The following THSD7B variants were observed in gnomAD, a reference collection of about 807,000 sequenced individuals.
THSD7B encodes thrombospondin type-1 domain-containing protein 7B.
THSD7B carries 138 observed loss-of-function variants against 213.6 expected under a neutral mutation model. That is an observed-to-expected ratio of 0.65 (90% CI 0.56 to 0.74). The LOEUF is 0.74. Among genes scored for constraint, THSD7B ranks in the 30% least tolerant of loss-of-function variants. THSD7B has a pLI of 0.00. For missense variants in THSD7B, 1,931 were observed against 1,991.5 expected (o/e 0.97, Z 0.58); for synonymous variants, 742 against 687.0 (o/e 1.08, Z -1.25).
intron 10 of THSD7B, among the ~76,000 whole-genome samples, chr2:137,246,995 T>A (rs990923049): frequency 3.3e-5 from 5 of 152,210 alleles, no homozygotes; most frequent in Non-Finnish European, 7.3e-5. Flanking sequence ...AGGTGACTTA[T>A]AAGCAGTGAA....
chr2:137,563,377 G>A (rs1320391704), intron 16 of THSD7B, 23 bp downstream of exon 16: 2 of 1,610,076 alleles, frequency 1.2e-6, no homozygotes, highest in Non-Finnish European at 1.7e-6. Context: ...GGAGAGATTT[G>A]GGAAATAGGG....
In THSD7B at chr2:137,231,251, G is replaced by T. The variant is rs1681634207; in HGVS notation, c.1915+16G>T. ...GCTGGGGAAGGTGAGTAACAGAAAAGGTTTTCACTTTGGATTCATTAGCCC... is the reference window on the plus strand; with the variant it reads ...GCTGGGGAAGGTGAGTAACAGAAAATGTTTTCACTTTGGATTCATTAGCCC... On this transcript the variant is annotated intron_variant, in intron 8 of 27. Coordinates refer to ENST00000409968, the MANE Select transcript of THSD7B (RefSeq NM_001316349.2). 4 of 1,586,554 alleles carry T rather than the reference G, an allele frequency of 2.5e-6. No individual in the cohort carries two copies. The highest frequency in any genetic ancestry group is 3.4e-6 in the Non-Finnish European group (4 of 1,165,026).
chr2:137,197,468 T>A (rs1680786891), intron 7 of THSD7B, among the ~76,000 whole-genome samples: 1 of 152,164 alleles, frequency 6.6e-6, no homozygotes, highest in African/African-American at 2.4e-5. Flanking sequence ...TTAAATGAAG[T>A]GATCTGGCTA....
chr2:136,877,862 G>C (rs1683549304), intron 1 of THSD7B, among the ~76,000 whole-genome samples: 1 of 152,158 alleles, frequency 6.6e-6, no homozygotes, highest in African/African-American at 2.4e-5. Context: ...ACTGTGGGCA[G>C]GGTGGTATAA....
intron 2 of THSD7B, among the ~76,000 whole-genome samples, chr2:136,885,321 C>G (rs1683699608): frequency 6.6e-6 from 1 of 151,472 alleles, no homozygotes; most frequent in African/African-American, 2.4e-5. Flanking sequence ...TAAGTGAGTC[C>G]TGGCTTTGGA....
At chr2:137,622,964 C>G (rs1041477901) in intron 20 of THSD7B, among the ~76,000 whole-genome samples, 1 of 152,272 alleles carries the variant, frequency 6.6e-6, no homozygotes, top group Non-Finnish European at 1.5e-5. Flanking sequence ...GGAAATCCTC[C>G]CTAACTCATT....
At chr2:137,419,491 C>T (rs552584933) in intron 14 of THSD7B, among the ~76,000 whole-genome samples, 3 of 150,734 alleles carry the variant, frequency 2.0e-5, no homozygotes, top group Non-Finnish European at 4.4e-5. Flanking sequence ...GCCAAGGTGC[C>T]CCCCACCTGA....
chr2:136,896,928 CTATATACA>C (rs1229991170), intron 2 of THSD7B, among the ~76,000 whole-genome samples: 1 of 150,734 alleles, frequency 6.6e-6, no homozygotes, highest in African/African-American at 2.4e-5. Context: ...TATGCCAGTA[CTATATACA>C]TATATACATA....
chr2:136,815,131 A>G (rs945918035), intron 1 of THSD7B, among the ~76,000 whole-genome samples: 4 of 152,220 alleles, frequency 2.6e-5, no homozygotes, highest in African/African-American at 9.7e-5. Flanking sequence ...GCTGTTTACA[A>G]TAAGTTTGCC....
chr2:137,306,898 A>G (rs1573948560), intron 12 of THSD7B, among the ~76,000 whole-genome samples: 2 of 152,144 alleles, frequency 1.3e-5, no homozygotes, highest in South Asian at 2.1e-4. Context: ...ATACTCATAG[A>G]TAAATAGAAC....
At chr2:137,318,610 T>C (rs1290696426) in intron 12 of THSD7B, among the ~76,000 whole-genome samples, 1 of 151,936 alleles carries the variant, frequency 6.6e-6, no homozygotes, top group Non-Finnish European at 1.5e-5. Context: ...AAAACCATGA[T>C]CCAACATTAT....
rs778549894 is a variant in THSD7B at position 137,450,951 on chromosome 2, T to C, written c.3066T>C (p.Ile1022=). ...CSSSCGIGVR[I]RSKWLKEKPY... ...CATCTTGTGGAATTGGAGTGAGAAT[T>C]CGATCCAAATGGCTAAAAGAAAAAC... is the stretch of plus-strand genomic sequence containing the variant. Residue 1022 remains isoleucine, a synonymous_variant, in exon 15 of 28, where the codon ATT becomes ATC. Transcript: ENST00000409968. The C allele has an allele frequency of 1.2e-6, 2 of 1,613,112 alleles. No homozygotes were observed. Among genetic ancestry groups the C allele is most frequent in the Admixed American group, 3.3e-5 (2 of 59,930 alleles).
intron 4 of THSD7B, among the ~76,000 whole-genome samples, chr2:137,096,901 G>A (rs563201083): frequency 4.6e-5 from 7 of 152,336 alleles, no homozygotes; most frequent in African/African-American, 1.7e-4. Context: ...TTAGCACATA[G>A]GTGGCGCTGC....
intron 2 of THSD7B, among the ~76,000 whole-genome samples, chr2:136,993,544 G>A (rs955972188): frequency 1.3e-5 from 2 of 152,186 alleles, no homozygotes; most frequent in African/African-American, 4.8e-5. Flanking sequence ...AAGTGAAAAT[G>A]TAACCATATA....
chr2:137,575,742 A>ATATATATATT (rs1235744133), intron 17 of THSD7B, among the ~76,000 whole-genome samples: 7 of 147,396 alleles, frequency 4.7e-5, no homozygotes, highest in South Asian at 2.3e-4. Flanking sequence ...ATATATATAT[A>ATATATATATT]TTTTTACTTT....
At chr2:137,442,009 A>G (rs1184908827) in intron 14 of THSD7B, among the ~76,000 whole-genome samples, 2 of 152,064 alleles carry the variant, frequency 1.3e-5, no homozygotes, top group African/African-American at 4.8e-5. Context: ...ACAGAATTCT[A>G]CTTCTTATAT....
chr2:137,076,493 C>T (rs1057467880), intron 3 of THSD7B, among the ~76,000 whole-genome samples: 1 of 152,362 alleles, frequency 6.6e-6, no homozygotes, highest in South Asian at 2.1e-4. Flanking sequence ...TCTGTCACCC[C>T]TTTCTTTGAC....
intron 14 of THSD7B, among the ~76,000 whole-genome samples, chr2:137,443,418 T>C (rs1367125023): frequency 6.6e-6 from 1 of 152,170 alleles, no homozygotes; most frequent in Non-Finnish European, 1.5e-5. Flanking sequence ...AATATATTCA[T>C]GTTATCTCAA....
At chr2:137,579,388 C>A (rs1403211995) in intron 17 of THSD7B, among the ~76,000 whole-genome samples, 1 of 152,162 alleles carries the variant, frequency 6.6e-6, no homozygotes, top group Non-Finnish European at 1.5e-5. Context: ...AGCCAGCAGG[C>A]CCTTTGGACT....
Sources: gnomAD v4.1 joint callset for allele counts (sites outside exome capture counted in the v4.1 genomes callset) on GRCh38, gnomAD v4.1.1 for gene constraint, MANE v1.5 for transcripts, NCBI Gene and HGNC (gene_info 2026-07-23, HGNC 2026-07-21) for gene names.